ZNF236: variants seen among roughly 807,000 people sequenced by gnomAD.
ZNF236 encodes regulated by glucose.
Under a neutral mutation model 191.2 loss-of-function variants are expected in ZNF236, and 50 were observed. The ratio of observed to expected loss-of-function variants is 0.26; its 90% CI spans 0.21 to 0.33. ZNF236 has a LOEUF of 0.33. Among genes scored for constraint, ZNF236 ranks in the 10% least tolerant of loss-of-function variants. The pLI, the probability that ZNF236 is intolerant of heterozygous loss-of-function variation, is 1.00. For synonymous variants in ZNF236, 907 were observed against 928.8 expected, an observed-to-expected ratio of 0.98 and a Z score of 0.43; for missense variants, 1,754 against 2,374.5, an observed-to-expected ratio of 0.74 and a Z score of 5.43.
intron 3 of ZNF236, among the ~76,000 whole-genome samples, chr18:76,862,409 C>T (rs1447513581): frequency 2.0e-5 from 3 of 152,288 alleles, no homozygotes; most frequent in South Asian, 2.1e-4. Context: ...ATTCTGCCCC[C>T]GTCCCTTGGG....
chr18:76,880,101 T>C lies in ZNF236; in HGVS notation c.985-12T>C. ...AAATTGTATTTTTAATGAAAATGTT[T>C]CTGTGTTTCAGGCCACACTTTTTCA... On this transcript the variant is annotated splice_polypyrimidine_tract_variant and intron_variant, in intron 7 of 30. Transcript: ENST00000320610. The surrounding 1 kb of genome is among the most constrained non-coding windows in gnomAD (Gnocchi z 5.0). 1 of 1,587,676 alleles carries C rather than the reference T, an allele frequency of 6.3e-7. No individual in the cohort carries two copies. The highest frequency in any genetic ancestry group is 8.6e-7 in the Non-Finnish European group (1 of 1,169,358).
intron 3 of ZNF236, among the ~76,000 whole-genome samples, chr18:76,867,834 C>T (rs1976458846): frequency 6.6e-6 from 1 of 152,130 alleles, no homozygotes; most frequent in Non-Finnish European, 1.5e-5. Flanking sequence ...TTCATAGGCT[C>T]AGGGTGGGCA....
chr18:76,835,828 C>T (rs367994407), intron 1 of ZNF236, among the ~76,000 whole-genome samples: 4 of 152,118 alleles, frequency 2.6e-5, no homozygotes, highest in South Asian at 2.1e-4. Context: ...TTATATTCCC[C>T]TTTCTTTCTT....
chr18:76,874,724 T>G (rs1414978307), intron 5 of ZNF236, among the ~76,000 whole-genome samples: 2 of 152,118 alleles, frequency 1.3e-5, no homozygotes, highest in South Asian at 2.1e-4. Context: ...AGAGCAAGTC[T>G]TGGGGATACT....
Position 76,878,106 on chromosome 18 carries a change from G to A in ZNF236, c.938G>A (p.Gly313Glu), listed in dbSNP as rs768695258. The A allele has an allele frequency of 1.9e-6, 3 of 1,613,090 alleles. No individual in the cohort carries two copies. Among genetic ancestry groups the A allele is most frequent in the Non-Finnish European group, 8.5e-7 (1 of 1,179,438 alleles). Residue 313 changes from glycine (G) to glutamate (E), a missense_variant, in exon 7 of 31, where the codon GGG becomes GAG. Transcript: ENST00000320610. ...CATATCAGCAAGATGCATATGGGTG[G>A]GCCACAGAATTCAACAAGTTCTACA... ...NTHISKMHMG[G>E]PQNSTSSTET...
chr18:76,905,494 TTG>T, intron 13 of ZNF236, 79 bp downstream of exon 13: 1 of 1,431,196 alleles, frequency 7.0e-7, no homozygotes, highest in Non-Finnish European at 9.5e-7. Flanking sequence ...TAGGAAATAA[TTG>T]TCTTTGATTC....
rs1187290781 is a variant in ZNF236 at position 76,899,739 on chromosome 18, G to A, written c.1894+517G>A. ...GTTGATGATCTAGAAAGAAAACACT[G>A]CTTGTTAGAATCTTTAGAAAAATTA... On this transcript the variant is annotated intron_variant, in intron 11 of 30. Transcript: ENST00000320610. Among the ~76,000 whole-genome samples, 5 of 152,284 alleles carry A rather than the reference G, an allele frequency of 3.3e-5. 1 individual carries two copies. In the Middle Eastern group the frequency reaches 0.01, roughly 313 times the overall value.
rs377748847 is a variant in ZNF236 at position 76,919,933 on chromosome 18, C to T, written c.3432C>T (p.Ser1144=). ...ATVSEKVLVQ[S]AAEKDRISEL... is the part of the protein sequence containing the mutation. Reference sequence around the variant, plus strand: ...TGTCAGAGAAGGTCCTGGTGCAGTCCGCGGCAGAAAAGGACCGCATCAGTG... The same window carrying T: ...TGTCAGAGAAGGTCCTGGTGCAGTCTGCGGCAGAAAAGGACCGCATCAGTG... The change falls in exon 20 of 31, where the codon TCC becomes TCT. Residue 1144 remains serine, a synonymous_variant. Coordinates refer to ENST00000320610, the MANE Select transcript of ZNF236 (RefSeq NM_001306089.2). This position sits in a 1 kb window ranked among gnomAD's most constrained non-coding sequence, Gnocchi z 5.3. The T allele has an allele frequency of 2.1e-5, 34 of 1,614,146 alleles. No homozygotes were observed. The highest frequency in any genetic ancestry group is 1.9e-4 in the African/African-American group (14 of 75,032).
chr18:76,905,499 T>C, intron 13 of ZNF236, 84 bp downstream of exon 13: 2 of 1,411,692 alleles, frequency 1.4e-6, no homozygotes, highest in Non-Finnish European at 1.9e-6. Context: ...AATAATTGTC[T>C]TTGATTCTTA....
chr18:76,860,344 G>GT (rs1976177517), intron 3 of ZNF236, among the ~76,000 whole-genome samples: 1 of 152,204 alleles, frequency 6.6e-6, no homozygotes, highest in South Asian at 2.1e-4. Context: ...GAGCTTTACC[G>GT]TTTTCCATTC....
At chr18:76,967,667 T>G (rs1968816114) in intron 30 of ZNF236, among the ~76,000 whole-genome samples, 1 of 81,338 alleles carries the variant, frequency 1.2e-5, no homozygotes, top group Non-Finnish European at 2.6e-5. Context: ...GATTTGTGAT[T>G]TGGTGTTGGA....
chr18:76,824,203 G>A, intron 1 of ZNF236: 1 of 682,618 alleles, frequency 1.5e-6, no homozygotes, highest in South Asian at 1.6e-5. Flanking sequence ...TGTTTAGGAA[G>A]AAAGAGGTAA....
intron 1 of ZNF236, among the ~76,000 whole-genome samples, chr18:76,844,305 G>T (rs971134216): frequency 6.6e-6 from 1 of 152,030 alleles, no homozygotes. Flanking sequence ...TAGCAATTTG[G>T]AGTGGCCTGA....
chr18:76,900,621 G>A (rs1414685789), intron 11 of ZNF236, among the ~76,000 whole-genome samples: 2 of 152,126 alleles, frequency 1.3e-5, no homozygotes, highest in Non-Finnish European at 2.9e-5. Flanking sequence ...AGAAGGACTC[G>A]AAACAGATAC....
intron 25 of ZNF236, among the ~76,000 whole-genome samples, chr18:76,929,563 A>G (rs915705017): frequency 1.3e-5 from 2 of 152,142 alleles, no homozygotes; most frequent in Non-Finnish European, 2.9e-5. Context: ...GTGTGTTATT[A>G]TTGGCCATTT....
intron 26 of ZNF236, among the ~76,000 whole-genome samples, chr18:76,941,037 C>T (rs1269306314): frequency 6.6e-6 from 1 of 152,178 alleles, no homozygotes; most frequent in Non-Finnish European, 1.5e-5. Context: ...AAGTTTCATC[C>T]CGAAACCATC....
At chr18:76,953,849 T>C (rs1368603070) in intron 27 of ZNF236, among the ~76,000 whole-genome samples, 2 of 152,168 alleles carry the variant, frequency 1.3e-5, no homozygotes, top group Non-Finnish European at 2.9e-5. Context: ...CTTTCCGGGC[T>C]CATTAGGAGG....
intron 25 of ZNF236, among the ~76,000 whole-genome samples, 186 bp downstream of exon 25, chr18:76,928,292 G>GA (rs1967760254): frequency 6.6e-6 from 1 of 152,202 alleles, no homozygotes; most frequent in Non-Finnish European, 1.5e-5. Context: ...CACCAGAAAT[G>GA]AAAAATTATA....
chr18:76,847,797 C>T (rs1413891725), intron 1 of ZNF236, among the ~76,000 whole-genome samples: 1 of 152,102 alleles, frequency 6.6e-6, no homozygotes. Context: ...TTGATTTGGG[C>T]CTGGGAAGTC....
Sources: gnomAD v4.1 joint callset for allele counts (sites outside exome capture counted in the v4.1 genomes callset) on GRCh38, gnomAD v4.1.1 for gene constraint, Gnocchi (gnomAD v3.1) non-coding constraint, MANE v1.5 for transcripts, NCBI Gene and HGNC (gene_info 2026-07-23, HGNC 2026-07-21) for gene names.